DARS1: variants seen among roughly 807,000 people sequenced by gnomAD.
DARS1 encodes the protein aspartate--tRNA ligase, cytoplasmic.
In DARS1, 51 loss-of-function variants were observed where a neutral mutation model predicts 68.8. That is an observed-to-expected ratio of 0.74 (90% CI 0.59 to 0.94). The LOEUF (loss-of-function observed/expected upper bound fraction) is 0.94. Among genes scored for constraint, DARS1 ranks in the 40% least tolerant of loss-of-function variants. The pLI is 0.00. For missense variants in DARS1, 607 were observed against 597.3 expected (o/e 1.02, Z -0.17); for synonymous variants, 203 against 190.4 (o/e 1.07, Z -0.55).
intron 4 of DARS1, among the ~76,000 whole-genome samples, chr2:135,952,386 C>G (rs1371079096): frequency 2.0e-5 from 3 of 152,124 alleles, no homozygotes; most frequent in Non-Finnish European, 2.9e-5. Flanking sequence ...GCATATCTAT[C>G]ACCTCAAACA....
chr2:135,983,466 G>A lies in DARS1; in HGVS notation c.67-12C>T, dbSNP rs1558804008. On this transcript the variant is annotated splice_polypyrimidine_tract_variant and intron_variant, in intron 1 of 15. Transcript: ENST00000264161. ...TCTTTAGCATAATCCTACAAAAAAAGTTTTTTGCATCGTGACTTTTTATGT... is the reference window on the plus strand; with the variant it reads ...TCTTTAGCATAATCCTACAAAAAAAATTTTTTGCATCGTGACTTTTTATGT... 2 of 996,920 alleles carry A rather than the reference G, an allele frequency of 2.0e-6. No homozygotes were observed. The highest frequency in any genetic ancestry group is 2.5e-5 in the East Asian group (1 of 40,814). 61.8% of individuals were successfully genotyped at this position (996,920 alleles called of 1,614,324 possible). A position where few individuals can be genotyped will look rare whatever the true frequency, so the allele number is the denominator to read the frequency against.
intron 3 of DARS1, among the ~76,000 whole-genome samples, chr2:135,975,535 T>C (rs1682476404): frequency 6.6e-6 from 1 of 152,022 alleles, no homozygotes; most frequent in Non-Finnish European, 1.5e-5. Flanking sequence ...GGCTGAAGCC[T>C]GTAATCCCAG....
Position 135,980,257 on chromosome 2 carries a change from T to C in DARS1, c.125-891A>G, listed in dbSNP as rs187071442. On this transcript the variant is annotated intron_variant, in intron 2 of 15. Coordinates refer to ENST00000264161, the MANE Select transcript of DARS1 (RefSeq NM_001349.4). The stretch of plus-strand genomic sequence containing the variant: ...ACAAAACAACTGTTATGTAAAGATG[T>C]GTATACAACGCAACATTCAACAATC... Among the ~76,000 whole-genome samples the C allele has an allele frequency of 1.3e-3, 198 of 152,360 alleles. 1 individual carries two copies. Among genetic ancestry groups the C allele is most frequent in the Middle Eastern group, 3.4e-3 (1 of 294 alleles).
At chr2:135,965,453 A>T (rs1002401234) in intron 3 of DARS1, among the ~76,000 whole-genome samples, 3 of 152,224 alleles carry the variant, frequency 2.0e-5, no homozygotes, top group African/African-American at 7.2e-5. Context: ...GTAAGTAAAT[A>T]CCGTATAAGG....
At chr2:135,913,602 CA>C (rs1362124913) in intron 12 of DARS1, among the ~76,000 whole-genome samples, 3 of 151,792 alleles carry the variant, frequency 2.0e-5, no homozygotes, top group Non-Finnish European at 2.9e-5. Flanking sequence ...ACTAAAAACA[CA>C]AAAAATTAGT....
chr2:135,910,308 T>C (rs529704469), intron 15 of DARS1, among the ~76,000 whole-genome samples: 2 of 152,298 alleles, frequency 1.3e-5, no homozygotes, highest in Admixed American at 6.5e-5. Flanking sequence ...AAGGATTCCC[T>C]TTTCTCCACA....
chr2:135,918,997 T>C (rs1305210480), intron 10 of DARS1, among the ~76,000 whole-genome samples: 2 of 152,224 alleles, frequency 1.3e-5, no homozygotes, highest in South Asian at 2.1e-4. Context: ...CTGGCACTTA[T>C]GCTACAGTAT....
intron 3 of DARS1, among the ~76,000 whole-genome samples, chr2:135,976,355 T>C (rs751606273): frequency 6.6e-6 from 1 of 152,142 alleles, no homozygotes; most frequent in Non-Finnish European, 1.5e-5. Flanking sequence ...CCAATACCCA[T>C]AAATAATTTA....
intron 3 of DARS1, among the ~76,000 whole-genome samples, chr2:135,964,315 C>T (rs2104836430): frequency 6.6e-6 from 1 of 152,206 alleles, no homozygotes; most frequent in South Asian, 2.1e-4. Flanking sequence ...GAACTTTCTA[C>T]AATAAATATG....
chr2:135,964,856 A>T (rs1682188728), intron 3 of DARS1, among the ~76,000 whole-genome samples: 1 of 151,422 alleles, frequency 6.6e-6, no homozygotes, highest in Non-Finnish European at 1.5e-5. Context: ...AAAAAAAAAA[A>T]AAAAAAAGAA....
chr2:135,982,308 T>C (rs957921725), intron 2 of DARS1, among the ~76,000 whole-genome samples: 2 of 151,906 alleles, frequency 1.3e-5, no homozygotes, highest in African/African-American at 4.8e-5. Flanking sequence ...TTCAAAGAAA[T>C]ATAAGGCCGG....
chr2:135,923,997 C>T (rs1160212467), intron 8 of DARS1, among the ~76,000 whole-genome samples: 2 of 152,136 alleles, frequency 1.3e-5, no homozygotes, highest in Admixed American at 6.5e-5. Flanking sequence ...GCCTGGGCAA[C>T]AAGAATTAAG....
chr2:135,921,613 A>T (rs1229876521), intron 9 of DARS1, among the ~76,000 whole-genome samples: 1 of 152,212 alleles, frequency 6.6e-6, no homozygotes, highest in Non-Finnish European at 1.5e-5. Flanking sequence ...ATTCCCTATG[A>T]CTGTGATATG....
chr2:135,965,203 T>C (rs1167776325), intron 3 of DARS1, among the ~76,000 whole-genome samples: 1 of 151,760 alleles, frequency 6.6e-6, no homozygotes, highest in Non-Finnish European at 1.5e-5. Flanking sequence ...TTAAACTATA[T>C]CACGGAGGAA....
intron 3 of DARS1, among the ~76,000 whole-genome samples, chr2:135,965,261 TAAATC>T (rs140326440): frequency 8.4e-4 from 128 of 152,026 alleles, no homozygotes; most frequent in African/African-American, 3.0e-3. Flanking sequence ...ATATACAAAA[TAAATC>T]AAAGGAACAA....
intron 4 of DARS1, among the ~76,000 whole-genome samples, chr2:135,959,264 T>C (rs1373531439): frequency 6.6e-6 from 1 of 151,306 alleles, no homozygotes. Context: ...GGTGGTGGCA[T>C]ATGCCTGTAA....
At chr2:135,911,049 TC>T (rs2104792336) in intron 15 of DARS1, 89 bp downstream of exon 15, 1 of 652,090 alleles carries the variant, frequency 1.5e-6, no homozygotes, top group African/African-American at 1.9e-5. Flanking sequence ...TTCACTTATG[TC>T]GTAATTCACT....
chr2:135,969,995 A>C (rs1031502420), intron 3 of DARS1, among the ~76,000 whole-genome samples: 3 of 152,220 alleles, frequency 2.0e-5, no homozygotes, highest in African/African-American at 4.8e-5. Context: ...ATCTAAACAC[A>C]GGTATTTTCT....
At position 135,956,567 on chromosome 2, in the gene DARS1, A is replaced by G. The variant is rs190691263; in HGVS notation, c.320+4829T>C. 1.6e-3 allele frequency among the ~76,000 whole-genome samples: 236 copies of G among 152,244 alleles called. 2 individuals are homozygous for G. Among genetic ancestry groups the G allele is most frequent in the African/African-American group, 5.3e-3 (219 of 41,546 alleles). On this transcript the variant is annotated intron_variant, in intron 4 of 15. Coordinates refer to ENST00000264161, the MANE Select transcript of DARS1 (RefSeq NM_001349.4). ...CTGAACAATGCAGGCATAAACATGA[A>G]GTAAAAAAGTCGAGGCTTACCGGAG...
Sources: allele counts gnomAD v4.1 joint callset (sites outside exome capture counted in the v4.1 genomes callset), GRCh38; gene constraint gnomAD v4.1.1; transcripts MANE v1.5; gene names NCBI Gene and HGNC (gene_info 2026-07-23, HGNC 2026-07-21).